CHTF18: variants seen among roughly 807,000 people sequenced by gnomAD.
The protein encoded by CHTF18 is chromosome transmission fidelity protein 18 homolog.
In CHTF18, 151 loss-of-function variants were observed where a neutral mutation model predicts 113.4. The observed-to-expected ratio is 1.33, with a 90% confidence interval of 1.17 to 1.52. The LOEUF is 1.52. CHTF18 is among the 40% of genes most tolerant of loss of function. The probability of loss-of-function intolerance (pLI) is 0.00; values close to 1 mark genes in which losing one functional copy is unlikely to be tolerated. For missense variants in CHTF18, 1,982 were observed against 1,381.6 expected, an observed-to-expected ratio of 1.43 and a Z score of -6.89; for synonymous variants, 916 against 598.8, an observed-to-expected ratio of 1.53 and a Z score of -7.74.
intron 14 of CHTF18, chr16:793,681 T>C (rs1196614993): frequency 3.5e-6 from 2 of 579,218 alleles, no homozygotes; most frequent in Non-Finnish European, 6.4e-6. Flanking sequence ...GTCTCTGTCC[T>C]GACGTGCCAT....
intron 18 of CHTF18, chr16:796,467 G>A (rs2042350176): frequency 1.7e-6 from 1 of 583,976 alleles, no homozygotes; most frequent in Admixed American, 3.3e-5. Context: ...GCAGGACGCT[G>A]AGTCACTCTC....
chr16:791,126 C>G, intron 7 of CHTF18, 35 bp from the exon 8 acceptor site: 2 of 1,584,538 alleles, frequency 1.3e-6, no homozygotes, highest in Middle Eastern at 1.7e-4. Flanking sequence ...AGGCGGTGCC[C>G]TCAGGCTGTG....
At position 792,205 on chromosome 16, in the gene CHTF18, C is replaced by T; in HGVS notation, c.1203-19C>T. Reference sequence around the variant, plus strand: ...AGGGACGCCCACTGCCCTGACGACCCCTGACCTCCCCATTGCAGTGACGAC... The same window carrying T: ...AGGGACGCCCACTGCCCTGACGACCTCTGACCTCCCCATTGCAGTGACGAC... On this transcript the variant is annotated intron_variant, in intron 9 of 21. Coordinates refer to ENST00000262315, the MANE Select transcript of CHTF18 (RefSeq NM_022092.3). 1 of 1,565,708 alleles carries T rather than the reference C, an allele frequency of 6.4e-7. No individual in the cohort carries two copies. The highest frequency in any genetic ancestry group is 8.7e-7 in the Non-Finnish European group (1 of 1,155,610).
At chr16:789,807 G>T (rs567535535) in intron 4 of CHTF18, 92 bp downstream of exon 4, 2 of 1,431,172 alleles carry the variant, frequency 1.4e-6, no homozygotes, top group South Asian at 2.7e-5. Flanking sequence ...TTTGCTTAAA[G>T]CGGGTCCTGT....
chr16:790,618 G>A lies in CHTF18; in HGVS notation c.846G>A (p.Trp282Ter). The A allele has an allele frequency of 6.3e-7, 1 of 1,593,684 alleles. No individual in the cohort carries two copies. The highest frequency in any genetic ancestry group is 8.5e-7 in the Non-Finnish European group (1 of 1,171,986). Residue 282 changes from tryptophan to a stop codon, truncating the protein, a stop_gained, in exon 7 of 22, where the codon TGG becomes TGA. Transcript: ENST00000262315. LOFTEE classifies it high-confidence loss of function. ...AAGACGCCTCCAGTCACTGCCTCTG[G>A]GTGGATGAGTTTGCACCCCGCCACT... ...DGQDASSHCL[W>*]VDEFAPRHYT... is the part of the protein sequence containing the mutation.
chr16:792,927 G>A (rs764299317), intron 12 of CHTF18, 39 bp from the exon 13 acceptor site: 6 of 1,543,456 alleles, frequency 3.9e-6, no homozygotes, highest in African/African-American at 2.7e-5. Context: ...GAAAGGATGG[G>A]GCATACCATC....
chr16:792,288 C>G lies in CHTF18; in HGVS notation c.1267C>G (p.Leu423Val). Residue 423 changes from leucine (L) to valine (V), a missense_variant, in exon 10 of 22, where the codon CTG becomes GTG. Leu to Val is a conservative substitution (Grantham distance 32). Coordinates refer to ENST00000262315, the MANE Select transcript of CHTF18 (RefSeq NM_022092.3). ...GGCGGCCACCCAGATGGAGTCGGTG[C>G]TGGGTGCTGGCGGGAAGCCCAACTG... ...IEAATQMESV[L>V]GAGGKPNCLV... 6.4e-7 allele frequency: 1 copy of G among 1,557,362 alleles called. No homozygotes were observed. The highest frequency in any genetic ancestry group is 8.7e-7 in the Non-Finnish European group (1 of 1,151,362).
In CHTF18 at chr16:789,229, T is replaced by C; in HGVS notation, c.306T>C (p.Pro102=). 6.4e-7 allele frequency: 1 copy of C among 1,552,854 alleles called. No homozygotes were observed. Among genetic ancestry groups the C allele is most frequent in the African/African-American group, 1.4e-5 (1 of 73,238 alleles). Residue 102 remains proline (P), a synonymous_variant, in exon 3 of 22, where the codon CCT becomes CCC. Transcript: ENST00000262315. ...CCCCAGCCCCCAGGATCAAACGGCCTAGGCTGCAGGTGGTCAAGAGGCTGA... is the reference window on the plus strand; with the variant it reads ...CCCCAGCCCCCAGGATCAAACGGCCCAGGCTGCAGGTGGTCAAGAGGCTGA... ...SLPHAPRIKR[P]RLQVVKRLNF...
Position 794,855 on chromosome 16 carries a change from C to T in CHTF18, c.1951-277C>T, listed in dbSNP as rs548152365. On this transcript the variant is annotated intron_variant, in intron 15 of 21. Transcript: ENST00000262315. ...CCTGGAGGCCTCCTGGTGGGTCACCCCCTCGTGTCAGTCTCTGTCAAGTCA... is the reference window on the plus strand; with the variant it reads ...CCTGGAGGCCTCCTGGTGGGTCACCTCCTCGTGTCAGTCTCTGTCAAGTCA... The T allele has an allele frequency of 4.6e-5, 22 of 482,604 alleles. 1 individual carries two copies. In the East Asian group the frequency reaches 7.3e-4, roughly 16 times the overall value. 29.9% of individuals were successfully genotyped at this position (482,604 alleles called of 1,614,324 possible).
Position 788,961 on chromosome 16 carries a change from C to T in CHTF18, c.122C>T (p.Pro41Leu), listed in dbSNP as rs779755861. ...GASTPSPSGV[P>L]LFTAGRPPRT... ...TCGACTCCGTCGCCCTCCGGGGTCCCCCTGTTCACCGCGGGCCGACCCCCG... is the reference window on the plus strand; with the variant it reads ...TCGACTCCGTCGCCCTCCGGGGTCCTCCTGTTCACCGCGGGCCGACCCCCG... The change falls in exon 2 of 22, where the codon CCC becomes CTC. Residue 41 changes from proline (P) to leucine (L), a missense_variant. Coordinates refer to ENST00000262315, the MANE Select transcript of CHTF18 (RefSeq NM_022092.3). The T allele has an allele frequency of 4.5e-6, 7 of 1,570,758 alleles. No homozygotes were observed. Among genetic ancestry groups the T allele is most frequent in the African/African-American group, 2.7e-5 (2 of 73,058 alleles).
Position 789,325 on chromosome 16 carries a change from G to C in CHTF18, c.402G>C (p.Pro134=), listed in dbSNP as rs371272528. The C allele has an allele frequency of 2.3e-4, 362 of 1,601,940 alleles. No individual in the cohort carries two copies. Among genetic ancestry groups the C allele is most frequent in the Non-Finnish European group, 2.9e-4 (344 of 1,174,996 alleles). The change falls in exon 3 of 22, where the codon CCG becomes CCC. Residue 134 remains proline, a synonymous_variant. Coordinates refer to ENST00000262315, the MANE Select transcript of CHTF18 (RefSeq NM_022092.3). ...DSSPTDITPP[P]SPEDLAELWG... is the part of the protein sequence containing the mutation. ...CGCCGACGGACATCACCCCGCCGCCGAGCCCTGAGGACCTCGCAGAGCTTT... is the reference window on the plus strand; with the variant it reads ...CGCCGACGGACATCACCCCGCCGCCCAGCCCTGAGGACCTCGCAGAGCTTT...
In CHTF18 at chr16:794,093, A is replaced by G. The variant is rs1165944275; in HGVS notation, c.1842A>G (p.Thr614=). The change falls in exon 15 of 22, where the codon ACA becomes ACG. Residue 614 remains threonine (T), a synonymous_variant. Coordinates refer to ENST00000262315, the MANE Select transcript of CHTF18 (RefSeq NM_022092.3). ...VGQDPALPAD[T]LLLGDGDAGS... ...AGGACCCCGCCCTGCCTGCTGACAC[A>G]CTCCTGCTGGGTGACGGGGACGCGG... The G allele has an allele frequency of 1.2e-6, 2 of 1,611,460 alleles. No homozygotes were observed. Among genetic ancestry groups the G allele is most frequent in the South Asian group, 1.1e-5 (1 of 91,006 alleles).
intron 9 of CHTF18, 111 bp downstream of exon 9, chr16:792,059 C>T (rs2042212075): frequency 1.9e-6 from 3 of 1,540,020 alleles, no homozygotes; most frequent in Non-Finnish European, 2.6e-6. Flanking sequence ...GTGGTGGGGG[C>T]CTGGGTGTGT....
intron 4 of CHTF18, 109 bp downstream of exon 4, chr16:789,824 C>T (rs2277900): frequency 0.049 from 66,983 of 1,378,878 alleles, 3,589 homozygotes; most frequent in East Asian, 0.29. Flanking sequence ...CTGTGCAGAG[C>T]CCCAGGGGTG....
chr16:791,423 C>T lies in CHTF18; in HGVS notation c.1104+53C>T, dbSNP rs1476681503. On this transcript the variant is annotated intron_variant, in intron 8 of 21. Transcript: ENST00000262315. ...AACAAGCCTGAGGCTTTGCACTCGG[C>T]GCCGGCACCCTTGCAGCCTGTTGAC... The T allele has an allele frequency of 5.7e-5, 86 of 1,520,928 alleles. No homozygotes were observed. The South Asian group carries it at 8.2e-4, about 14-fold the overall frequency. 94.2% of individuals were successfully genotyped at this position (1,520,928 alleles called of 1,614,324 possible).
chr16:795,882 G>A, intron 17 of CHTF18, 48 bp downstream of exon 17: 1 of 1,607,686 alleles, frequency 6.2e-7, no homozygotes, highest in Non-Finnish European at 8.5e-7. Context: ...CTGCCCTCCT[G>A]TCCTAGGTGA....
In CHTF18 at chr16:789,214, C is replaced by G. The variant is rs1229702812; in HGVS notation, c.291C>G (p.Pro97=). The change falls in exon 3 of 22, where the codon CCC becomes CCG. Residue 97 remains proline (P), a synonymous_variant. Coordinates refer to ENST00000262315, the MANE Select transcript of CHTF18 (RefSeq NM_022092.3). ...CCCTGCATGTGTCTCCCCCAGCCCC[C>G]AGGATCAAACGGCCTAGGCTGCAGG... ...LQPAGSLPHA[P]RIKRPRLQVV... is the part of the protein sequence containing the mutation. 3.9e-6 allele frequency: 6 copies of G among 1,551,266 alleles called. No homozygotes were observed. The highest frequency in any genetic ancestry group is 5.2e-6 in the Non-Finnish European group (6 of 1,147,570).
chr16:796,925 T>TG, intron 19 of CHTF18, 36 bp from the exon 20 acceptor site: 2 of 1,534,878 alleles, frequency 1.3e-6, no homozygotes, highest in Non-Finnish European at 1.8e-6. Flanking sequence ...ACTGTATCCC[T>TG]GTGTGGCCAG....
In CHTF18 at chr16:789,221, A is replaced by C; in HGVS notation, c.298A>C (p.Lys100Gln). 1.3e-6 allele frequency: 2 copies of C among 1,551,842 alleles called. No individual in the cohort carries two copies. Among genetic ancestry groups the C allele is most frequent in the Non-Finnish European group, 1.7e-6 (2 of 1,147,884 alleles). The change falls in exon 3 of 22, where the codon AAA (lysine) becomes CAA (glutamine). Residue 100 changes from lysine to glutamine, a missense_variant. By Grantham distance (53) the Lys-to-Gln change is moderately conservative. Transcript: ENST00000262315. Reference sequence around the variant, plus strand: ...TGTGTCTCCCCCAGCCCCCAGGATCAAACGGCCTAGGCTGCAGGTGGTCAA... The same window carrying C: ...TGTGTCTCCCCCAGCCCCCAGGATCCAACGGCCTAGGCTGCAGGTGGTCAA... ...AGSLPHAPRIKRPRLQVVKRL... is the reference protein window; with the variant it reads ...AGSLPHAPRIQRPRLQVVKRL...
Sources: allele counts gnomAD v4.1 joint callset, GRCh38; gene constraint gnomAD v4.1.1; transcripts MANE v1.5; gene names NCBI Gene and HGNC (gene_info 2026-07-23, HGNC 2026-07-21).